Variants in FILIP1L observed in about 807,000 individuals in gnomAD.
FILIP1L encodes the protein filamin A-interacting protein 1-like.
A neutral mutation model predicts 96.6 loss-of-function variants in FILIP1L; 55 were observed. The ratio of observed to expected loss-of-function variants is 0.57; its 90% confidence interval spans 0.46 to 0.71. The LOEUF (loss-of-function observed/expected upper bound fraction) is 0.71. Among genes scored for constraint, FILIP1L ranks in the 30% least tolerant of loss-of-function variants. FILIP1L has a pLI of 0.00. For missense variants in FILIP1L, 1,304 were observed against 1,321.2 expected (o/e 0.99, Z 0.20); for synonymous variants, 467 against 473.9 (o/e 0.99, Z 0.19).
chr3:99,938,636 A>T (rs1707764416), intron 1 of FILIP1L, among the ~76,000 whole-genome samples: 1 of 152,178 alleles, frequency 6.6e-6, no homozygotes, highest in Non-Finnish European at 1.5e-5. Flanking sequence ...ATGGAAAGAG[A>T]TGTATTAAGA....
intron 1 of FILIP1L, among the ~76,000 whole-genome samples, chr3:99,961,781 T>C (rs551651992): frequency 5.3e-4 from 81 of 152,284 alleles, no homozygotes; most frequent in Non-Finnish European, 1.0e-4. Flanking sequence ...ATCTTGCCTT[T>C]CCCCCTTTCT....
At chr3:100,033,008 A>G (rs1214919674) in intron 1 of FILIP1L, among the ~76,000 whole-genome samples, 2 of 151,958 alleles carry the variant, frequency 1.3e-5, no homozygotes, top group Non-Finnish European at 2.9e-5. Context: ...TCCCCCTCAC[A>G]TGAAAGTTAG....
intron 5 of FILIP1L, among the ~76,000 whole-genome samples, chr3:99,839,120 AT>A (rs1308286826): frequency 6.6e-6 from 1 of 151,938 alleles, no homozygotes; most frequent in Non-Finnish European, 1.5e-5. Context: ...CCCATCCTGT[AT>A]CCCCTGCTCA....
chr3:99,938,531 T>C (rs1397822773), intron 1 of FILIP1L, among the ~76,000 whole-genome samples: 1 of 152,224 alleles, frequency 6.6e-6, no homozygotes, highest in Non-Finnish European at 1.5e-5. Flanking sequence ...TTGCTGAGTT[T>C]AGAGGGCAGA....
In FILIP1L at chr3:99,966,548, A is replaced by T. The variant is rs556746514; in HGVS notation, c.-10-35518T>A. Among the ~76,000 whole-genome samples the T allele has an allele frequency of 1.3e-3, 198 of 152,328 alleles. 1 individual carries two copies. Among genetic ancestry groups the T allele is most frequent in the Non-Finnish European group, 2.2e-3 (151 of 68,020 alleles). On this transcript the variant is annotated intron_variant, in intron 1 of 5. Transcript: ENST00000477258. ...AGACTGAGTTCACTCATCACTAACA[A>T]TTAACTTTATAAACATTCAACAAGT...
intron 1 of FILIP1L, among the ~76,000 whole-genome samples, chr3:99,942,033 G>A (rs1354457755): frequency 6.6e-5 from 10 of 152,128 alleles, no homozygotes; most frequent in African/African-American, 1.7e-4. Flanking sequence ...TGGCTAACAC[G>A]GTGAAACTGT....
intron 1 of FILIP1L, among the ~76,000 whole-genome samples, chr3:99,933,243 A>C (rs952375526): frequency 2.0e-5 from 3 of 152,204 alleles, no homozygotes; most frequent in South Asian, 4.1e-4. Flanking sequence ...TGTCCGAAAA[A>C]TGCCTATAGC....
intron 1 of FILIP1L, among the ~76,000 whole-genome samples, chr3:99,974,311 A>G (rs1373746721): frequency 2.0e-5 from 3 of 152,180 alleles, no homozygotes; most frequent in African/African-American, 7.2e-5. Flanking sequence ...TGCAGTTTTT[A>G]GAAGGGATCA....
At chr3:100,021,025 A>C (rs1357676096) in intron 1 of FILIP1L, among the ~76,000 whole-genome samples, 1 of 152,216 alleles carries the variant, frequency 6.6e-6, no homozygotes, top group Non-Finnish European at 1.5e-5. Flanking sequence ...TTGGCCTCGC[A>C]AAGTGCTAGG....
chr3:100,044,577 G>C (rs1187007365), intron 1 of FILIP1L, among the ~76,000 whole-genome samples: 1 of 152,182 alleles, frequency 6.6e-6, no homozygotes, highest in Non-Finnish European at 1.5e-5. Context: ...CCCAGTGAAA[G>C]AGAGGGAAGT....
intron 1 of FILIP1L, among the ~76,000 whole-genome samples, chr3:99,947,061 C>A (rs1259235813): frequency 7.2e-6 from 1 of 139,110 alleles, no homozygotes; most frequent in Non-Finnish European, 1.5e-5. Context: ...TCACTTGCAG[C>A]TGGGAGGTAG....
intron 1 of FILIP1L, among the ~76,000 whole-genome samples, chr3:100,004,153 A>AT (rs1709922852): frequency 6.6e-6 from 1 of 152,104 alleles, no homozygotes. Flanking sequence ...TTGCAAGGTA[A>AT]TTTTGACATA....
intron 4 of FILIP1L, among the ~76,000 whole-genome samples, chr3:99,903,887 A>G (rs1490402808): frequency 6.6e-6 from 1 of 152,176 alleles, no homozygotes; most frequent in Non-Finnish European, 1.5e-5. Context: ...TGCTTCATTT[A>G]ATGGTACTCA....
At chr3:99,997,909 C>G (rs1039052291) in intron 1 of FILIP1L, among the ~76,000 whole-genome samples, 9 of 152,128 alleles carry the variant, frequency 5.9e-5, no homozygotes, top group Non-Finnish European at 1.0e-4. Flanking sequence ...AGATAATCTG[C>G]TTTACAAATG....
intron 5 of FILIP1L, among the ~76,000 whole-genome samples, chr3:99,831,676 G>C (rs1467908552): frequency 6.6e-6 from 1 of 152,152 alleles, no homozygotes; most frequent in Non-Finnish European, 1.5e-5. Flanking sequence ...TTTAGATTGG[G>C]TCTCCAATTT....
At chr3:100,002,336 G>T (rs1440305527) in intron 1 of FILIP1L, among the ~76,000 whole-genome samples, 1 of 152,188 alleles carries the variant, frequency 6.6e-6, no homozygotes. Context: ...CCATACAGAA[G>T]ATAGGTCTTA....
At chr3:99,991,951 TATATATGTGTGTATATATACACAC>T (rs755235009) in intron 1 of FILIP1L, among the ~76,000 whole-genome samples, 107 of 147,260 alleles carry the variant, frequency 7.3e-4, no homozygotes, top group South Asian at 4.2e-3. Context: ...TATATATGTG[TATATATGTGTGTATATATACACAC>T]ATATATGTGT....
intron 1 of FILIP1L, among the ~76,000 whole-genome samples, chr3:99,940,141 A>T (rs904617644): frequency 6.6e-6 from 1 of 152,240 alleles, no homozygotes; most frequent in Non-Finnish European, 1.5e-5. Flanking sequence ...GTTTTCCATT[A>T]CAAATCAGTG....
At chr3:99,864,274 A>G (rs1944404498) in intron 4 of FILIP1L, among the ~76,000 whole-genome samples, 1 of 152,168 alleles carries the variant, frequency 6.6e-6, no homozygotes. Flanking sequence ...GGCCATCATT[A>G]TGGTGGCCCT....
Sources: gnomAD v4.1 joint callset for allele counts (sites outside exome capture counted in the v4.1 genomes callset) on GRCh38, gnomAD v4.1.1 for gene constraint, MANE v1.5 for transcripts, NCBI Gene and HGNC (gene_info 2026-07-23, HGNC 2026-07-21) for gene names.